ADK: variants seen among roughly 807,000 people sequenced by gnomAD.
ADK encodes adenosine kinase.
ADK carries 24 observed loss-of-function variants against 44.7 expected under a neutral mutation model. That is an observed-to-expected ratio of 0.54 (90% CI 0.39 to 0.76). The LOEUF is 0.76. Among genes scored for constraint, ADK ranks in the 30% least tolerant of loss-of-function variants. The pLI, the probability that ADK is intolerant of heterozygous loss-of-function variation, is 0.00. For missense variants in ADK, 321 were observed against 425.1 expected (o/e 0.76, Z 2.15); for synonymous variants, 128 against 142.6 (o/e 0.90, Z 0.73).
At position 74,530,387 on chromosome 10, in the gene ADK, T is replaced by TA. The variant is rs1849234898; in HGVS notation, c.726+4965dup. The TA allele has an allele frequency of 2.6e-5, 4 of 152,182 alleles. No individual in the cohort carries two copies. The South Asian group carries it at 8.3e-4, about 32-fold the overall frequency. The allele number at this position is 152,182 out of a possible 1,614,324, so 9.4% of individuals were successfully genotyped here. ...AATTTTTAAAATGTCAAAACTCAGCTAAAATCAAACACACTTGGCCCTTAT... is the reference window on the plus strand; with the variant it reads ...AATTTTTAAAATGTCAAAACTCAGCTAAAAATCAAACACACTTGGCCCTTAT... On this transcript the variant is annotated intron_variant, in intron 7 of 10. Coordinates refer to ENST00000539909, the MANE Select transcript of ADK (RefSeq NM_006721.4).
intron 3 of ADK, among the ~76,000 whole-genome samples, chr10:74,295,233 G>C (rs1474015344): frequency 6.6e-6 from 1 of 151,822 alleles, no homozygotes; most frequent in Non-Finnish European, 1.5e-5. Context: ...AGGCCAAAGC[G>C]GGCAGATCAC....
intron 5 of ADK, among the ~76,000 whole-genome samples, chr10:74,396,664 A>AT (rs1185289223): frequency 6.6e-6 from 1 of 151,936 alleles, no homozygotes; most frequent in Non-Finnish European, 1.5e-5. Flanking sequence ...GAATACTCAT[A>AT]TTTTTCTGGT....
At chr10:74,575,635 C>T (rs1230404393) in intron 7 of ADK, among the ~76,000 whole-genome samples, 4 of 151,610 alleles carry the variant, frequency 2.6e-5, no homozygotes, top group East Asian at 1.9e-4. Flanking sequence ...GCACCTGGTA[C>T]GTATATAAGG....
chr10:74,230,684 C>CTT (rs35111858), intron 3 of ADK, among the ~76,000 whole-genome samples: 4 of 140,748 alleles, frequency 2.8e-5, no homozygotes, highest in Non-Finnish European at 4.7e-5. Flanking sequence ...CAGCCAGTAA[C>CTT]TTTTTTTTTT....
chr10:74,409,023 T>C (rs1844067259), intron 6 of ADK, among the ~76,000 whole-genome samples: 2 of 152,350 alleles, frequency 1.3e-5, no homozygotes, highest in Non-Finnish European at 2.9e-5. Flanking sequence ...TTCTAGATTC[T>C]ATAAAATGTT....
chr10:74,282,086 T>C (rs528175331), intron 3 of ADK, among the ~76,000 whole-genome samples: 1 of 152,344 alleles, frequency 6.6e-6, no homozygotes, highest in Non-Finnish European at 1.5e-5. Context: ...AGTGTTACAT[T>C]TTTAATTAAT....
At chr10:74,659,890 G>T (rs990061391) in intron 9 of ADK, among the ~76,000 whole-genome samples, 1 of 152,010 alleles carries the variant, frequency 6.6e-6, no homozygotes, top group African/African-American at 2.4e-5. Flanking sequence ...CCAGCCCACT[G>T]ACTTTGGCAA....
At chr10:74,382,530 T>A (rs978258580) in intron 4 of ADK, among the ~76,000 whole-genome samples, 10 of 152,220 alleles carry the variant, frequency 6.6e-5, no homozygotes, top group African/African-American at 2.2e-4. Context: ...TGACACCTAT[T>A]GTAACACCAT....
At chr10:74,409,572 T>G (rs1277171510) in intron 6 of ADK, among the ~76,000 whole-genome samples, 1 of 152,214 alleles carries the variant, frequency 6.6e-6, no homozygotes, top group Non-Finnish European at 1.5e-5. Flanking sequence ...TATGTCTTAT[T>G]ACAGGTCTTC....
intron 6 of ADK, among the ~76,000 whole-genome samples, chr10:74,490,634 C>T (rs552575937): frequency 1.3e-4 from 20 of 152,220 alleles, no homozygotes; most frequent in African/African-American, 4.6e-4. Flanking sequence ...ACCCATGTCT[C>T]ATTGTAGGTC....
intron 6 of ADK, among the ~76,000 whole-genome samples, chr10:74,443,657 C>T (rs144761723): frequency 6.6e-6 from 1 of 152,076 alleles, no homozygotes; most frequent in African/African-American, 2.4e-5. Flanking sequence ...TACTAAAAAT[C>T]ACGAATTGTA....
At chr10:74,610,541 A>G in intron 9 of ADK, among the ~76,000 whole-genome samples, 1 of 152,318 alleles carries the variant, frequency 6.6e-6, no homozygotes, top group South Asian at 2.1e-4. Flanking sequence ...CTGTATATTC[A>G]ACAATGCTTA....
intron 9 of ADK, among the ~76,000 whole-genome samples, chr10:74,623,015 A>C (rs1365829914): frequency 6.6e-6 from 1 of 151,326 alleles, no homozygotes; most frequent in Non-Finnish European, 1.5e-5. Flanking sequence ...CTCAAAAACA[A>C]AAAACAAAAA....
At chr10:74,242,598 G>A (rs1188305197) in intron 3 of ADK, among the ~76,000 whole-genome samples, 2 of 152,116 alleles carry the variant, frequency 1.3e-5, no homozygotes, top group Non-Finnish European at 2.9e-5. Flanking sequence ...GTGGGTCCCT[G>A]GTGAAACCCC....
At chr10:74,340,907 C>T (rs1841561496) in intron 4 of ADK, among the ~76,000 whole-genome samples, 1 of 152,108 alleles carries the variant, frequency 6.6e-6, no homozygotes, top group African/African-American at 2.4e-5. Flanking sequence ...GTTATTGGAA[C>T]ATTGGAACAT....
At chr10:74,207,067 T>C (rs1179496294) in intron 2 of ADK, among the ~76,000 whole-genome samples, 2 of 152,174 alleles carry the variant, frequency 1.3e-5, no homozygotes, top group African/African-American at 4.8e-5. Flanking sequence ...GGCCACTGTG[T>C]ACAGCCACTC....
intron 8 of ADK, among the ~76,000 whole-genome samples, chr10:74,590,733 T>G (rs1258778950): frequency 6.6e-6 from 1 of 152,172 alleles, no homozygotes; most frequent in East Asian, 1.9e-4. Context: ...GTTTCACATT[T>G]TAATTTCCCA....
intron 9 of ADK, among the ~76,000 whole-genome samples, chr10:74,637,954 G>T (rs1853674975): frequency 6.6e-6 from 1 of 152,116 alleles, no homozygotes; most frequent in Non-Finnish European, 1.5e-5. Flanking sequence ...GCAGTTTATT[G>T]TATGTCAATC....
At chr10:74,157,068 G>A (rs2132029489) in intron 1 of ADK, among the ~76,000 whole-genome samples, 1 of 152,320 alleles carries the variant, frequency 6.6e-6, no homozygotes, top group African/African-American at 2.4e-5. Flanking sequence ...GCTCTTGGCT[G>A]TTGCTTTAAA....
Sources: gnomAD v4.1 joint callset for allele counts (sites outside exome capture counted in the v4.1 genomes callset) on GRCh38, gnomAD v4.1.1 for gene constraint, MANE v1.5 for transcripts, NCBI Gene and HGNC (gene_info 2026-07-23, HGNC 2026-07-21) for gene names.